The following PSD3 variants were observed in gnomAD, a reference collection of about 807,000 sequenced individuals.
PSD3 encodes the protein PH and SEC7 domain-containing protein 3.
A neutral mutation model predicts 105.5 loss-of-function variants in PSD3; 49 were observed. The ratio of observed to expected loss-of-function variants is 0.46; its 90% CI spans 0.37 to 0.59. The LOEUF (loss-of-function observed/expected upper bound fraction) is 0.59, where lower values mean the gene tolerates loss of function less well. PSD3 is among the 20% of genes least tolerant of loss of function. The probability of loss-of-function intolerance (pLI) is 0.00; values close to 1 mark genes in which losing one functional copy is unlikely to be tolerated. For synonymous variants in PSD3, 557 were observed against 457.8 expected, an observed-to-expected ratio of 1.22 and a Z score of -2.77; for missense variants, 1,561 against 1,263.8, an observed-to-expected ratio of 1.24 and a Z score of -3.57.
At chr8:18,723,406 C>T (rs1326827662) in intron 9 of PSD3, among the ~76,000 whole-genome samples, 3 of 152,220 alleles carry the variant, frequency 2.0e-5, no homozygotes, top group African/African-American at 4.8e-5. Context: ...ATCCAGTGCA[C>T]TTTCTCATTT....
chr8:18,806,311 A>G (rs975147608), intron 4 of PSD3, among the ~76,000 whole-genome samples: 1 of 152,242 alleles, frequency 6.6e-6, no homozygotes, highest in Non-Finnish European at 1.5e-5. Flanking sequence ...TAATTAGTGT[A>G]AAACAATTTT....
At chr8:18,674,478 T>C (rs772666677) in intron 9 of PSD3, among the ~76,000 whole-genome samples, 8 of 152,248 alleles carry the variant, frequency 5.3e-5, no homozygotes, top group Admixed American at 1.3e-4. Flanking sequence ...CTACGAATCC[T>C]ACTGTCATTT....
At chr8:18,627,809 G>GAAA (rs33948705) in intron 11 of PSD3, among the ~76,000 whole-genome samples, 2 of 143,168 alleles carry the variant, frequency 1.4e-5, no homozygotes, top group Admixed American at 6.9e-5. Flanking sequence ...AAAGAAAAAG[G>GAAA]AAAAAAAAAC....
rs188576787 is a variant in PSD3 at position 18,529,168 on chromosome 8, C to T, written c.*6575G>A. 3 of 152,318 alleles carry T rather than the reference C, an allele frequency of 2.0e-5. No individual in the cohort carries two copies. Among genetic ancestry groups the T allele is most frequent in the Non-Finnish European group, 4.4e-5 (3 of 68,034 alleles). The allele number at this position is 152,318 out of a possible 1,614,324, so 9.4% of individuals were successfully genotyped here. On this transcript the variant is annotated 3_prime_UTR_variant, in exon 16 of 16. Coordinates refer to ENST00000327040, the MANE Select transcript of PSD3 (RefSeq NM_015310.4). Reference sequence around the variant, plus strand: ...ACGGAGAGATGCTGGAGAGCTGCTGCTTGTGAATTACAAGAAAGCCTTCAA... The same window carrying T: ...ACGGAGAGATGCTGGAGAGCTGCTGTTTGTGAATTACAAGAAAGCCTTCAA...
chr8:18,785,861 G>C (rs2129445736), intron 8 of PSD3, among the ~76,000 whole-genome samples: 1 of 152,298 alleles, frequency 6.6e-6, no homozygotes, highest in South Asian at 2.1e-4. Context: ...GGAATGGCCA[G>C]CCTTTGGCGC....
intron 9 of PSD3, among the ~76,000 whole-genome samples, chr8:18,747,813 G>GT (rs1805152086): frequency 6.7e-6 from 1 of 149,844 alleles, no homozygotes; most frequent in Non-Finnish European, 1.5e-5. Flanking sequence ...ATCAAAGTGA[G>GT]TAAAAAAAAA....
chr8:18,712,677 T>C (rs974849967), intron 9 of PSD3, among the ~76,000 whole-genome samples: 3 of 152,094 alleles, frequency 2.0e-5, no homozygotes, highest in African/African-American at 7.2e-5. Context: ...CAGGACCAGA[T>C]GCATTACAGC....
intron 12 of PSD3, among the ~76,000 whole-genome samples, chr8:18,587,847 G>A (rs1803306189): frequency 6.6e-6 from 1 of 152,088 alleles, no homozygotes; most frequent in Non-Finnish European, 1.5e-5. Context: ...GCTTTGGGAG[G>A]ATATAAAACC....
chr8:18,746,781 G>C (rs559680182), intron 9 of PSD3, among the ~76,000 whole-genome samples: 2 of 152,074 alleles, frequency 1.3e-5, no homozygotes. Flanking sequence ...ATACAATTAG[G>C]TTCATTTGTT....
chr8:18,924,238 C>G (rs1187693131), intron 2 of PSD3, among the ~76,000 whole-genome samples: 1 of 152,194 alleles, frequency 6.6e-6, no homozygotes, highest in Non-Finnish European at 1.5e-5. Flanking sequence ...CCATTGGAAA[C>G]TACTGCGTAT....
In PSD3 at chr8:18,785,245, T is replaced by A. The variant is rs542914733; in HGVS notation, c.2082+14050A>T. 1.5e-4 allele frequency among the ~76,000 whole-genome samples: 23 copies of A among 152,328 alleles called. No individual in the cohort carries two copies. The South Asian group carries it at 4.8e-3, about 32-fold the overall frequency. Reference sequence around the variant, plus strand: ...ATCACCTTGATGAAATGACCCTTATTATAAAATGTTCTTCCTTGTTTCTAG... The same window carrying A: ...ATCACCTTGATGAAATGACCCTTATAATAAAATGTTCTTCCTTGTTTCTAG... On this transcript the variant is annotated intron_variant, in intron 8 of 15. Coordinates refer to ENST00000327040, the MANE Select transcript of PSD3 (RefSeq NM_015310.4).
chr8:18,538,437 C>T (rs1216808043), intron 15 of PSD3, among the ~76,000 whole-genome samples: 3 of 152,138 alleles, frequency 2.0e-5, no homozygotes, highest in African/African-American at 4.8e-5. Flanking sequence ...TTCTAAACGC[C>T]TCTTCATTTT....
intron 9 of PSD3, among the ~76,000 whole-genome samples, chr8:18,736,944 T>C (rs944310220): frequency 6.6e-5 from 10 of 152,208 alleles, no homozygotes; most frequent in Non-Finnish European, 8.8e-5. Context: ...TTTTCAAATA[T>C]AGAGAGATGA....
chr8:18,814,885 T>G (rs1812074613), intron 4 of PSD3, among the ~76,000 whole-genome samples: 1 of 152,200 alleles, frequency 6.6e-6, no homozygotes, highest in Non-Finnish European at 1.5e-5. Flanking sequence ...GCACTGGACA[T>G]CAGAAGCTGG....
chr8:18,845,369 C>A (rs1043890873), intron 4 of PSD3, among the ~76,000 whole-genome samples: 1 of 152,186 alleles, frequency 6.6e-6, no homozygotes, highest in Non-Finnish European at 1.5e-5. Context: ...GCTGCACTGT[C>A]CCACTCACAT....
At chr8:18,551,651 C>G (rs545680535) in intron 15 of PSD3, among the ~76,000 whole-genome samples, 1 of 152,298 alleles carries the variant, frequency 6.6e-6, no homozygotes, top group East Asian at 1.9e-4. Flanking sequence ...TAAGCATATG[C>G]TACTCTGGGT....
chr8:18,917,927 G>A (rs759970292), intron 2 of PSD3, among the ~76,000 whole-genome samples: 20 of 152,078 alleles, frequency 1.3e-4, no homozygotes, highest in Non-Finnish European at 2.6e-4. Context: ...GCAGGTGGGC[G>A]TGTGTGTTTA....
At chr8:18,673,967 C>A (rs2130922601) in intron 9 of PSD3, among the ~76,000 whole-genome samples, 1 of 152,028 alleles carries the variant, frequency 6.6e-6, no homozygotes, top group South Asian at 2.1e-4. Context: ...CAAAACAAGA[C>A]CCTATCTCTA....
intron 9 of PSD3, among the ~76,000 whole-genome samples, chr8:18,728,904 G>A (rs142674700): frequency 1.3e-5 from 2 of 152,320 alleles, no homozygotes; most frequent in East Asian, 1.9e-4. Context: ...CGCCTCACAT[G>A]TCAGTTCTGC....
Sources: allele counts gnomAD v4.1 joint callset (sites outside exome capture counted in the v4.1 genomes callset), GRCh38; gene constraint gnomAD v4.1.1; transcripts MANE v1.5; gene names NCBI Gene and HGNC (gene_info 2026-07-23, HGNC 2026-07-21).